The following SLC4A4 variants were observed in gnomAD, a reference collection of about 807,000 sequenced individuals.
The protein encoded by SLC4A4 is solute carrier family 4 member 4.
SLC4A4 carries 27 observed loss-of-function variants against 111.5 expected under a neutral mutation model. That is an observed-to-expected ratio of 0.24 (90% CI 0.18 to 0.33). The LOEUF (loss-of-function observed/expected upper bound fraction) is 0.33, where lower values mean the gene tolerates loss of function less well. Among genes scored for constraint, SLC4A4 ranks in the 10% least tolerant of loss-of-function variants. The probability of loss-of-function intolerance (pLI) is 1.00; values close to 1 mark genes in which losing one functional copy is unlikely to be tolerated. For synonymous variants in SLC4A4, 443 were observed against 463.4 expected (o/e 0.96, Z 0.57); for missense variants, 909 against 1,315.5 (o/e 0.69, Z 4.78).
chr4:71,163,147 A>G (rs1285734341), intron 2 of SLC4A4, among the ~76,000 whole-genome samples: 1 of 152,204 alleles, frequency 6.6e-6, no homozygotes, highest in Non-Finnish European at 1.5e-5. Context: ...ACAGACCGTT[A>G]ATACTTTTTA....
At chr4:71,149,880 C>T (rs968897643) in intron 2 of SLC4A4, among the ~76,000 whole-genome samples, 3 of 152,162 alleles carry the variant, frequency 2.0e-5, no homozygotes, top group Non-Finnish European at 4.4e-5. Flanking sequence ...AATGGAGCCC[C>T]TAAATCCAAT....
chr4:71,563,047 G>T (rs1306671673), intron 23 of SLC4A4, among the ~76,000 whole-genome samples: 1 of 151,590 alleles, frequency 6.6e-6, no homozygotes, highest in Non-Finnish European at 1.5e-5. Context: ...AAAACAAAGT[G>T]GTAATCTTTG....
At chr4:71,152,193 C>T (rs1226837357) in intron 2 of SLC4A4, among the ~76,000 whole-genome samples, 2 of 152,126 alleles carry the variant, frequency 1.3e-5, no homozygotes, top group Non-Finnish European at 2.9e-5. Flanking sequence ...CTGTACGTCT[C>T]TCCTTCTGTA....
At chr4:71,188,461 A>G (rs563842274) in intron 1 of SLC4A4, among the ~76,000 whole-genome samples, 5 of 152,256 alleles carry the variant, frequency 3.3e-5, no homozygotes, top group Non-Finnish European at 5.9e-5. Context: ...AGTGCCCTGG[A>G]AAGTTGCTCC....
At chr4:71,510,471 T>C (rs1449158653) in intron 16 of SLC4A4, among the ~76,000 whole-genome samples, 1 of 152,254 alleles carries the variant, frequency 6.6e-6, no homozygotes, top group Non-Finnish European at 1.5e-5. Context: ...TTCTTATGAA[T>C]TGATCCCTTT....
chr4:71,501,724 C>T (rs974499830), intron 16 of SLC4A4, among the ~76,000 whole-genome samples: 22 of 151,956 alleles, frequency 1.4e-4, no homozygotes, highest in African/African-American at 4.8e-4. Context: ...TGCAGTGGTG[C>T]CATCTCAGCT....
chr4:71,456,137 T>C (rs549384630), intron 12 of SLC4A4, among the ~76,000 whole-genome samples: 1 of 152,338 alleles, frequency 6.6e-6, no homozygotes, highest in African/African-American at 2.4e-5. Flanking sequence ...GTAATTTGAT[T>C]ATTTTATTAA....
At chr4:71,192,316 A>G (rs1441431644) in intron 1 of SLC4A4, among the ~76,000 whole-genome samples, 7 of 152,172 alleles carry the variant, frequency 4.6e-5, no homozygotes, top group Admixed American at 1.3e-4. Flanking sequence ...CTGAGCAGGC[A>G]AAATAGAGGG....
At chr4:71,365,668 C>T (rs1288554866) in intron 6 of SLC4A4, among the ~76,000 whole-genome samples, 1 of 152,178 alleles carries the variant, frequency 6.6e-6, no homozygotes, top group African/African-American at 2.4e-5. Context: ...TTAAAAACCA[C>T]ACTTTGAATT....
At chr4:71,441,313 A>T (rs1224263122) in intron 8 of SLC4A4, among the ~76,000 whole-genome samples, 1 of 152,192 alleles carries the variant, frequency 6.6e-6, no homozygotes, top group Non-Finnish European at 1.5e-5. Context: ...TCACGTACTC[A>T]TTTCACTGCA....
At chr4:71,343,332 G>A (rs1729042258) in intron 4 of SLC4A4, among the ~76,000 whole-genome samples, 1 of 152,030 alleles carries the variant, frequency 6.6e-6, no homozygotes. Context: ...GCTTAGAAGG[G>A]GACCTATGTT....
At position 71,571,055 on chromosome 4, in the gene SLC4A4, C is replaced by T. The variant is rs1737905765; in HGVS notation, c.*3304C>T. 2 of 152,226 alleles carry T rather than the reference C, an allele frequency of 1.3e-5. No individual in the cohort carries two copies. Among genetic ancestry groups the T allele is most frequent in the African/African-American group, 4.8e-5 (2 of 41,394 alleles). 9.4% of individuals were successfully genotyped at this position (152,226 alleles called of 1,614,324 possible). On this transcript the variant is annotated 3_prime_UTR_variant, in exon 26 of 26. Coordinates refer to ENST00000264485, the MANE Select transcript of SLC4A4 (RefSeq NM_001098484.3). ...TTTGCGTGTATTTTATGCTCATGCACCAACCCATACAGAGTAAATCTTTTA... is the reference window on the plus strand; with the variant it reads ...TTTGCGTGTATTTTATGCTCATGCATCAACCCATACAGAGTAAATCTTTTA...
At chr4:71,237,252 A>C (rs1157654379) in intron 2 of SLC4A4, among the ~76,000 whole-genome samples, 1 of 152,210 alleles carries the variant, frequency 6.6e-6, no homozygotes, top group Non-Finnish European at 1.5e-5. Flanking sequence ...TGGTGCTATA[A>C]TACTTTCAGC....
intron 2 of SLC4A4, among the ~76,000 whole-genome samples, chr4:71,116,346 TA>T (rs573539913): frequency 2.6e-4 from 39 of 152,374 alleles, no homozygotes; most frequent in African/African-American, 9.1e-4. Context: ...TGTTTGCTTT[TA>T]TTATTATTGT....
intron 25 of SLC4A4, 90 bp downstream of exon 25, chr4:71,567,173 G>A (rs1021670826): frequency 1.2e-5 from 12 of 994,726 alleles, no homozygotes; most frequent in African/African-American, 1.7e-5. Flanking sequence ...AGAACTTCTT[G>A]TTCTCCTTCG....
chr4:71,563,744 G>T lies in SLC4A4; in HGVS notation c.3100-49G>T, dbSNP rs750392055. On this transcript the variant is annotated intron_variant, in intron 23 of 25. Transcript: ENST00000264485. ...TTGATCGATGCTAGGAGATAGGAAG[G>T]GCTGTATAATAAAAACATTCTAAAA... 4 of 1,100,800 alleles carry T rather than the reference G, an allele frequency of 3.6e-6. No homozygotes were observed. In the African/African-American group the frequency reaches 6.2e-5, roughly 17 times the overall value. 68.2% of individuals were successfully genotyped at this position (1,100,800 alleles called of 1,614,324 possible).
chr4:71,435,913 T>G (rs1388932562), intron 7 of SLC4A4, among the ~76,000 whole-genome samples: 1 of 152,142 alleles, frequency 6.6e-6, no homozygotes, highest in Non-Finnish European at 1.5e-5. Flanking sequence ...AAACAACAGG[T>G]GCTGGAGAGG....
At chr4:71,076,042 C>T (rs1449739715) in intron 1 of SLC4A4, among the ~76,000 whole-genome samples, 1 of 151,918 alleles carries the variant, frequency 6.6e-6, no homozygotes, top group African/African-American at 2.4e-5. Context: ...TTCCCCTTAC[C>T]TATCTTACCC....
At chr4:71,232,378 GT>G (rs1261726308) in intron 1 of SLC4A4, among the ~76,000 whole-genome samples, 2 of 152,088 alleles carry the variant, frequency 1.3e-5, no homozygotes, top group Non-Finnish European at 2.9e-5. Flanking sequence ...ATCCCCTCCA[GT>G]TTTTGCTGGT....
Sources: allele counts gnomAD v4.1 joint callset (sites outside exome capture counted in the v4.1 genomes callset), GRCh38; gene constraint gnomAD v4.1.1; transcripts MANE v1.5; gene names NCBI Gene and HGNC (gene_info 2026-07-23, HGNC 2026-07-21).